GALNTL6: variants seen among roughly 807,000 people sequenced by gnomAD.
GALNTL6 encodes polypeptide N-acetylgalactosaminyltransferase like 6, also known as polypeptide N-acetylgalactosaminyltransferase-like 6.
A neutral mutation model predicts 73.7 loss-of-function variants in GALNTL6; 46 were observed. That is an observed-to-expected ratio of 0.62 (90% CI 0.49 to 0.80). The LOEUF (loss-of-function observed/expected upper bound fraction) is 0.80, where lower values mean the gene tolerates loss of function less well. Among genes scored for constraint, GALNTL6 ranks in the 30% least tolerant of loss-of-function variants. The pLI is 0.00. For synonymous variants in GALNTL6, 259 were observed against 263.7 expected, an observed-to-expected ratio of 0.98 and a Z score of 0.17; for missense variants, 604 against 755.0, an observed-to-expected ratio of 0.80 and a Z score of 2.34.
intron 2 of GALNTL6, among the ~76,000 whole-genome samples, chr4:171,907,443 T>G (rs890251750): frequency 3.3e-5 from 5 of 151,646 alleles, no homozygotes; most frequent in Admixed American, 3.3e-4. Context: ...ACAAGGGATG[T>G]GAAGGACCTC....
intron 2 of GALNTL6, among the ~76,000 whole-genome samples, chr4:171,830,533 T>C (rs1316829617): frequency 6.6e-6 from 1 of 152,178 alleles, no homozygotes; most frequent in Non-Finnish European, 1.5e-5. Flanking sequence ...AATCAAAATA[T>C]GTATAAATAT....
At chr4:172,709,138 A>G (rs760053451) in intron 5 of GALNTL6, among the ~76,000 whole-genome samples, 1 of 152,168 alleles carries the variant, frequency 6.6e-6, no homozygotes, top group Non-Finnish European at 1.5e-5. Context: ...TGATGATCAC[A>G]TGCAGGTTTT....
chr4:172,008,475 A>G (rs992683647), intron 2 of GALNTL6, among the ~76,000 whole-genome samples: 2 of 151,480 alleles, frequency 1.3e-5, no homozygotes, highest in Non-Finnish European at 2.9e-5. Flanking sequence ...TTTTTAATTT[A>G]AGGATTTATT....
intron 7 of GALNTL6, among the ~76,000 whole-genome samples, chr4:172,835,921 C>T (rs578073046): frequency 1.3e-5 from 2 of 152,282 alleles, no homozygotes; most frequent in South Asian, 4.1e-4. Flanking sequence ...CCTAGAGACC[C>T]CCAAAAGGCC....
chr4:172,392,481 A>G (rs530656271), intron 5 of GALNTL6, among the ~76,000 whole-genome samples: 1 of 146,852 alleles, frequency 6.8e-6, no homozygotes, highest in East Asian at 2.0e-4. Context: ...TTTTTTTAAT[A>G]TAGAGCAGTC....
intron 5 of GALNTL6, among the ~76,000 whole-genome samples, chr4:172,795,037 T>G (rs1046136312): frequency 1.3e-5 from 2 of 152,152 alleles, no homozygotes; most frequent in African/African-American, 4.8e-5. Flanking sequence ...GAAGCTGAAG[T>G]GGAGACTGCA....
chr4:172,495,230 A>G (rs1734032105), intron 5 of GALNTL6, among the ~76,000 whole-genome samples: 1 of 152,204 alleles, frequency 6.6e-6, no homozygotes, highest in African/African-American at 2.4e-5. Flanking sequence ...AGGTAACCAT[A>G]GGACAAATCT....
chr4:171,914,006 G>C (rs1349020925), intron 2 of GALNTL6, among the ~76,000 whole-genome samples: 2 of 151,898 alleles, frequency 1.3e-5, no homozygotes, highest in Non-Finnish European at 2.9e-5. Flanking sequence ...TATTAACATG[G>C]TTAAAAGTAC....
chr4:172,969,425 T>C (rs1050306878), intron 10 of GALNTL6, among the ~76,000 whole-genome samples: 3 of 152,150 alleles, frequency 2.0e-5, no homozygotes, highest in African/African-American at 7.2e-5. Context: ...TACATAAAAC[T>C]ATAATTCAAA....
chr4:172,950,668 A>T (rs1749398821), intron 9 of GALNTL6, among the ~76,000 whole-genome samples: 1 of 152,222 alleles, frequency 6.6e-6, no homozygotes, highest in Non-Finnish European at 1.5e-5. Context: ...ACCTCTGGGC[A>T]TAGTTCCAGG....
chr4:172,749,874 T>C (rs1737329090), intron 5 of GALNTL6, among the ~76,000 whole-genome samples: 1 of 151,624 alleles, frequency 6.6e-6, no homozygotes, highest in Non-Finnish European at 1.5e-5. Flanking sequence ...TTTAATTAGG[T>C]CATTCCTTAG....
chr4:172,088,633 A>G (rs181908894), intron 2 of GALNTL6, among the ~76,000 whole-genome samples: 15 of 152,288 alleles, frequency 9.8e-5, no homozygotes, highest in Admixed American at 9.2e-4. Flanking sequence ...TCTGGGCTCT[A>G]GGTGTAGGGT....
chr4:172,383,188 G>C (rs1743347198), intron 5 of GALNTL6, among the ~76,000 whole-genome samples: 1 of 151,956 alleles, frequency 6.6e-6, no homozygotes, highest in African/African-American at 2.4e-5. Context: ...TTTTTTGGTA[G>C]ACATTGCATT....
chr4:172,522,184 A>G (rs904824395), intron 5 of GALNTL6, among the ~76,000 whole-genome samples: 5 of 152,160 alleles, frequency 3.3e-5, no homozygotes, highest in Non-Finnish European at 7.4e-5. Flanking sequence ...AACCATATCT[A>G]ATGTGTTTTT....
intron 4 of GALNTL6, among the ~76,000 whole-genome samples, chr4:172,338,224 C>T (rs1242522615): frequency 6.6e-6 from 1 of 152,062 alleles, no homozygotes; most frequent in Non-Finnish European, 1.5e-5. Context: ...TATCATTCAT[C>T]TTCCTTGCAA....
At chr4:172,679,839 A>T (rs542908083) in intron 5 of GALNTL6, among the ~76,000 whole-genome samples, 1 of 152,340 alleles carries the variant, frequency 6.6e-6, no homozygotes, top group East Asian at 1.9e-4. Flanking sequence ...GCATTGTACC[A>T]GTTCTCTTGA....
chr4:172,541,070 C>G (rs1011344895), intron 5 of GALNTL6, among the ~76,000 whole-genome samples: 2 of 152,118 alleles, frequency 1.3e-5, no homozygotes, highest in African/African-American at 4.8e-5. Flanking sequence ...ATATTTTGGC[C>G]TAAAATATTT....
chr4:171,960,688 T>TAAAAAA (rs201299722), intron 2 of GALNTL6, among the ~76,000 whole-genome samples: 2 of 129,494 alleles, frequency 1.5e-5, no homozygotes, highest in African/African-American at 3.0e-5. Flanking sequence ...TGTCTTTATT[T>TAAAAAA]AAAAAAAAAA....
chr4:172,377,503 C>T (rs570051261), intron 5 of GALNTL6, among the ~76,000 whole-genome samples: 10 of 152,304 alleles, frequency 6.6e-5, no homozygotes, highest in South Asian at 6.2e-4. Flanking sequence ...GGGCCATGGG[C>T]GGAGCTGCCC....
Sources: allele counts gnomAD v4.1 joint callset (sites outside exome capture counted in the v4.1 genomes callset), GRCh38; gene constraint gnomAD v4.1.1; transcripts MANE v1.5; gene names NCBI Gene and HGNC (gene_info 2026-07-23, HGNC 2026-07-21).